The following ZFPM2 variants were observed in gnomAD, a reference collection of about 807,000 sequenced individuals.
The protein encoded by ZFPM2 is zinc finger protein ZFPM2.
A neutral mutation model predicts 98.6 loss-of-function variants in ZFPM2; 20 were observed. The observed-to-expected ratio is 0.20, with a 90% CI of 0.14 to 0.29. ZFPM2 has a LOEUF of 0.29. ZFPM2 is among the 10% of genes least tolerant of loss of function. ZFPM2 has a pLI of 1.00. For synonymous variants in ZFPM2, 518 were observed against 502.7 expected (o/e 1.03, Z -0.41); for missense variants, 1,310 against 1,388.6 (o/e 0.94, Z 0.90).
At chr8:105,348,429 G>A (rs1812579837) in intron 1 of ZFPM2, among the ~76,000 whole-genome samples, 1 of 152,100 alleles carries the variant, frequency 6.6e-6, no homozygotes, top group South Asian at 2.1e-4. Context: ...ATGGCTAGCT[G>A]GGATCCAAAT....
intron 1 of ZFPM2, among the ~76,000 whole-genome samples, chr8:105,340,525 C>G (rs567996659): frequency 6.6e-6 from 1 of 151,776 alleles, no homozygotes; most frequent in African/African-American, 2.4e-5. Context: ...TTTTAATGTC[C>G]CTGAAAATCA....
At chr8:105,465,017 C>T (rs1347246790) in intron 3 of ZFPM2, among the ~76,000 whole-genome samples, 2 of 149,800 alleles carry the variant, frequency 1.3e-5, no homozygotes, top group Non-Finnish European at 3.0e-5. Flanking sequence ...CAGCCTGTAT[C>T]GTAGTTGTCA....
At chr8:105,646,450 C>T (rs1000528147) in intron 5 of ZFPM2, among the ~76,000 whole-genome samples, 1 of 152,124 alleles carries the variant, frequency 6.6e-6, no homozygotes, top group Admixed American at 6.6e-5. Flanking sequence ...ATCTGACCTC[C>T]TATCCTGTCA....
intron 1 of ZFPM2, among the ~76,000 whole-genome samples, chr8:105,333,468 GC>G (rs1290141174): frequency 6.6e-6 from 1 of 151,736 alleles, no homozygotes; most frequent in African/African-American, 2.4e-5. Context: ...CTATCGAGAG[GC>G]AAAAATGTTC....
In ZFPM2 at chr8:105,801,579, T is replaced by C. The variant is rs753420236; in HGVS notation, c.1497T>C (p.Ser499=). The part of the protein sequence containing the change: ...GPSFPVGPFL[S]QFSFPQDITM... Reference sequence around the variant, plus strand: ...CTTTCCCTGTGGGCCCTTTCCTATCTCAGTTTTCTTTCCCCCAAGATATCA... The same window carrying C: ...CTTTCCCTGTGGGCCCTTTCCTATCCCAGTTTTCTTTCCCCCAAGATATCA... Residue 499 remains serine (S), a synonymous_variant, in exon 8 of 8, where the codon TCT becomes TCC. Coordinates refer to ENST00000407775, the MANE Select transcript of ZFPM2 (RefSeq NM_012082.4). 6.2e-7 allele frequency: 1 copy of C among 1,613,814 alleles called. No individual in the cohort carries two copies. Among genetic ancestry groups the C allele is most frequent in the South Asian group, 1.1e-5 (1 of 91,072 alleles).
At chr8:105,369,078 A>G (rs1274291201) in intron 1 of ZFPM2, among the ~76,000 whole-genome samples, 1 of 152,184 alleles carries the variant, frequency 6.6e-6, no homozygotes, top group Non-Finnish European at 1.5e-5. Context: ...AAATAATAAA[A>G]TATATAAAAC....
intron 3 of ZFPM2, among the ~76,000 whole-genome samples, chr8:105,488,703 G>A (rs1370359071): frequency 6.6e-6 from 1 of 152,194 alleles, no homozygotes; most frequent in Non-Finnish European, 1.5e-5. Context: ...GGCGGAGGTT[G>A]TGGTGAGCCG....
intron 5 of ZFPM2, among the ~76,000 whole-genome samples, chr8:105,779,588 G>C (rs1022215072): frequency 6.6e-6 from 1 of 152,102 alleles, no homozygotes; most frequent in Non-Finnish European, 1.5e-5. Context: ...AGGTATGGTC[G>C]AACAATATAA....
chr8:105,374,889 AT>A (rs201108334), intron 1 of ZFPM2, among the ~76,000 whole-genome samples: 2,026 of 147,334 alleles, frequency 0.014, 23 homozygotes, highest in African/African-American at 0.044. Flanking sequence ...TAAAGACAAC[AT>A]TTTTTTTTTT....
intron 3 of ZFPM2, among the ~76,000 whole-genome samples, chr8:105,516,075 A>G (rs1813915660): frequency 1.3e-5 from 2 of 151,790 alleles, no homozygotes; most frequent in South Asian, 4.2e-4. Flanking sequence ...GCAGGCGCCC[A>G]CAACCAAATC....
intron 3 of ZFPM2, among the ~76,000 whole-genome samples, chr8:105,518,279 G>GTC (rs10659560): frequency 0.77 from 116,508 of 151,902 alleles, 45,380 homozygotes; most frequent in African/African-American, 0.91. Context: ...TCATACAGGA[G>GTC]TCTGCTGCAA....
intron 1 of ZFPM2, among the ~76,000 whole-genome samples, chr8:105,399,346 A>T (rs1811288795): frequency 6.6e-6 from 1 of 152,196 alleles, no homozygotes. Context: ...AGGTGGCTCA[A>T]AATAGGGACA....
At chr8:105,435,495 C>A (rs2130164915) in intron 2 of ZFPM2, among the ~76,000 whole-genome samples, 1 of 152,220 alleles carries the variant, frequency 6.6e-6, no homozygotes, top group Admixed American at 6.5e-5. Flanking sequence ...TTCTGTAATT[C>A]TCTTCTTGGC....
At chr8:105,428,791 CTT>C (rs1811962090) in intron 2 of ZFPM2, among the ~76,000 whole-genome samples, 1 of 152,158 alleles carries the variant, frequency 6.6e-6, no homozygotes, top group Non-Finnish European at 1.5e-5. Context: ...ACTGTGAAAA[CTT>C]TTCACTTTTC....
intron 1 of ZFPM2, among the ~76,000 whole-genome samples, chr8:105,354,200 G>A (rs901987578): frequency 3.9e-5 from 6 of 152,134 alleles, no homozygotes; most frequent in African/African-American, 9.7e-5. Context: ...CAAATATGCC[G>A]TATTGTAACA....
In ZFPM2 at chr8:105,728,845, C is replaced by T. The variant is rs533919107; in HGVS notation, c.533-59873C>T. 2.0e-3 allele frequency among the ~76,000 whole-genome samples: 300 copies of T among 151,880 alleles called. 1 individual carries two copies. The highest frequency in any genetic ancestry group is 7.0e-3 in the African/African-American group (289 of 41,506). On this transcript the variant is annotated intron_variant, in intron 5 of 7. Coordinates refer to ENST00000407775, the MANE Select transcript of ZFPM2 (RefSeq NM_012082.4). ...TAAAGTTGTAAAAGCAATTCCTTCT[C>T]TCCTCCAACCCTTTGCCAGTGTTCA...
At chr8:105,696,259 C>T (rs1312673352) in intron 5 of ZFPM2, among the ~76,000 whole-genome samples, 1 of 152,144 alleles carries the variant, frequency 6.6e-6, no homozygotes, top group Non-Finnish European at 1.5e-5. Context: ...GTATCCTGGG[C>T]AGTGAGGCGG....
At chr8:105,474,549 A>G (rs1455749255) in intron 3 of ZFPM2, among the ~76,000 whole-genome samples, 5 of 145,388 alleles carry the variant, frequency 3.4e-5, no homozygotes, top group Admixed American at 3.4e-4. Flanking sequence ...TTGGTAAGTT[A>G]AAAAAAAATA....
chr8:105,515,580 AAC>A (rs1226666534), intron 3 of ZFPM2, among the ~76,000 whole-genome samples: 1 of 152,174 alleles, frequency 6.6e-6, no homozygotes, highest in Non-Finnish European at 1.5e-5. Context: ...ATTATTTAGA[AAC>A]CTTTGTAAGA....
Sources: gnomAD v4.1 joint callset for allele counts (sites outside exome capture counted in the v4.1 genomes callset) on GRCh38, gnomAD v4.1.1 for gene constraint, MANE v1.5 for transcripts, NCBI Gene and HGNC (gene_info 2026-07-23, HGNC 2026-07-21) for gene names.